The following TXNL1 variants were observed in gnomAD, a reference collection of about 807,000 sequenced individuals.
The protein encoded by TXNL1 is thioredoxin like 1.
TXNL1 carries 14 observed loss-of-function variants against 35.5 expected under a neutral mutation model. The ratio of observed to expected loss-of-function variants is 0.39; its 90% CI spans 0.26 to 0.62. The LOEUF is 0.62. Among genes scored for constraint, TXNL1 ranks in the 20% least tolerant of loss-of-function variants. TXNL1 has a pLI of 0.47. For synonymous variants in TXNL1, 110 were observed against 115.5 expected (o/e 0.95, Z 0.31); for missense variants, 263 against 349.7 (o/e 0.75, Z 1.98).
chr18:56,622,261 A>G (rs2024201019), intron 3 of TXNL1, among the ~76,000 whole-genome samples: 2 of 152,140 alleles, frequency 1.3e-5, no homozygotes, highest in Admixed American at 6.5e-5. Context: ...CAGAAAAAAA[A>G]GGCAGAGAAA....
rs1283238721 is a variant in TXNL1, at chr18:56,601,225, T to TA, written c.*1801dup. On this transcript the variant is annotated 3_prime_UTR_variant, in exon 8 of 8. Transcript: ENST00000217515. Reference sequence around the variant, plus strand: ...TAAGATTTCCCATTAAGTGAAACGTTATAGTTACCTATAAACGTTCATTTT... The same window carrying TA: ...TAAGATTTCCCATTAAGTGAAACGTTAATAGTTACCTATAAACGTTCATTTT... 2 of 152,236 alleles carry TA rather than the reference T, an allele frequency of 1.3e-5. No individual in the cohort carries two copies. The highest frequency in any genetic ancestry group is 6.5e-5 in the Admixed American group (1 of 15,286). 9.4% of individuals were successfully genotyped at this position (152,236 alleles called of 1,614,324 possible). A position where few individuals can be genotyped will look rare whatever the true frequency, so the allele number is the denominator to read the frequency against.
rs1037941415 is a variant in TXNL1, at chr18:56,602,948, C to T, written c.*79G>A. On this transcript the variant is annotated 3_prime_UTR_variant, in exon 8 of 8. Coordinates refer to ENST00000217515, the MANE Select transcript of TXNL1 (RefSeq NM_004786.3). ...GTAATGGCAATGAATGAAACATTGA[C>T]AGTCTCTGGCGAGAATCAAGCAATT... is the stretch of plus-strand genomic sequence containing the variant. The T allele has an allele frequency of 1.4e-6, 2 of 1,403,138 alleles. No homozygotes were observed. The highest frequency in any genetic ancestry group is 2.8e-5 in the African/African-American group (2 of 70,504). The allele number at this position is 1,403,138 out of a possible 1,614,324, so 86.9% of individuals were successfully genotyped here. A position where few individuals can be genotyped will look rare whatever the true frequency, so the allele number is the denominator to read the frequency against.
At chr18:56,617,441 G>A (rs904276668) in intron 4 of TXNL1, among the ~76,000 whole-genome samples, 2 of 152,146 alleles carry the variant, frequency 1.3e-5, no homozygotes, top group East Asian at 1.9e-4. Context: ...TTCTGTTACC[G>A]TATAGAAGAT....
chr18:56,634,756 A>T (rs1249636769), intron 1 of TXNL1, among the ~76,000 whole-genome samples: 5 of 152,248 alleles, frequency 3.3e-5, no homozygotes, highest in African/African-American at 1.2e-4. Flanking sequence ...GAATCTTGCA[A>T]TGATTTCTTG....
chr18:56,636,914 G>A (rs1386190922), intron 1 of TXNL1, among the ~76,000 whole-genome samples: 1 of 152,082 alleles, frequency 6.6e-6, no homozygotes, highest in Non-Finnish European at 1.5e-5. Context: ...ATGTACTACA[G>A]GTATTCCCCT....
intron 3 of TXNL1, among the ~76,000 whole-genome samples, chr18:56,623,409 C>G (rs995978054): frequency 1.5e-5 from 2 of 137,470 alleles, no homozygotes; most frequent in East Asian, 2.1e-4. Flanking sequence ...GCCTGGGTGA[C>G]AGAGGGACTC....
rs79769823 is a variant in TXNL1, at chr18:56,611,699, A to G, written c.736-602T>C. Among the ~76,000 whole-genome samples, 463 of 151,418 alleles carry G rather than the reference A, an allele frequency of 3.1e-3. 6 individuals carry two copies. The East Asian group carries it at 0.037, about 12-fold the overall frequency. On this transcript the variant is annotated intron_variant, in intron 6 of 7. Transcript: ENST00000217515. ...AGAGTCACAATTAAATTCTCTCTCT[A>G]TATGTATTTTTTGACATGGAGTCTC...
At chr18:56,625,646 T>C (rs971133339) in intron 2 of TXNL1, among the ~76,000 whole-genome samples, 1 of 152,180 alleles carries the variant, frequency 6.6e-6, no homozygotes, top group Admixed American at 6.5e-5. Flanking sequence ...ATGTGTGTAA[T>C]GTAGGGTTTT....
At chr18:56,629,454 G>A (rs1207322454) in intron 1 of TXNL1, among the ~76,000 whole-genome samples, 1 of 152,166 alleles carries the variant, frequency 6.6e-6, no homozygotes, top group Non-Finnish European at 1.5e-5. Flanking sequence ...CTTGCACCCG[G>A]GAAGCGGAGG....
intron 4 of TXNL1, 117 bp downstream of exon 4, chr18:56,617,887 G>T: frequency 1.5e-6 from 2 of 1,302,744 alleles, no homozygotes; most frequent in Non-Finnish European, 1.1e-6. Context: ...CTATAGAAAT[G>T]AAAGGAAGAA....
chr18:56,631,770 A>T lies in TXNL1; in HGVS notation c.99-5313T>A, dbSNP rs543653739. 1.2e-4 allele frequency among the ~76,000 whole-genome samples: 19 copies of T among 152,178 alleles called. No homozygotes were observed. The South Asian group carries it at 4.0e-3, about 32-fold the overall frequency. ...CCCCCGTCTCTACTAAAAATACAAA[A>T]TTAGCTGGGCCTAGTAACGCATGCC... On this transcript the variant is annotated intron_variant, in intron 1 of 7. Coordinates refer to ENST00000217515, the MANE Select transcript of TXNL1 (RefSeq NM_004786.3).
intron 1 of TXNL1, among the ~76,000 whole-genome samples, chr18:56,628,981 G>T (rs935618625): frequency 1.3e-5 from 2 of 152,108 alleles, no homozygotes; most frequent in African/African-American, 4.8e-5. Flanking sequence ...ACTAAAATTA[G>T]TCTTAAACTT....
chr18:56,607,850 C>T (rs144857943), intron 7 of TXNL1, among the ~76,000 whole-genome samples: 4,841 of 152,040 alleles, frequency 0.032, 105 homozygotes, highest in Middle Eastern at 0.071. Flanking sequence ...GAGTGAAACT[C>T]CATCTCAAAA....
intron 3 of TXNL1, among the ~76,000 whole-genome samples, chr18:56,619,595 TA>T (rs2024149023): frequency 6.6e-6 from 1 of 151,746 alleles, no homozygotes; most frequent in Admixed American, 6.6e-5. Flanking sequence ...AAATCTCTTT[TA>T]ATCTAGTCAT....
chr18:56,612,102 G>A (rs955891845), intron 6 of TXNL1, among the ~76,000 whole-genome samples: 3 of 149,150 alleles, frequency 2.0e-5, no homozygotes, highest in Non-Finnish European at 1.5e-5. Flanking sequence ...TCTGAGCTCA[G>A]GCAATCCTCC....
intron 4 of TXNL1, 74 bp from the exon 5 acceptor site, chr18:56,616,388 A>T (rs898411697): frequency 1.5e-6 from 2 of 1,350,544 alleles, no homozygotes; most frequent in Admixed American, 4.5e-5. Flanking sequence ...AAGCAGAATG[A>T]AAATAACAGG....
At chr18:56,624,183 A>G in intron 3 of TXNL1, 105 bp downstream of exon 3, 2 of 1,267,038 alleles carry the variant, frequency 1.6e-6, no homozygotes, top group Non-Finnish European at 1.1e-6. Flanking sequence ...AGTATTCTAA[A>G]CCAGTAAGAG....
chr18:56,637,447 A>C (rs746823187), intron 1 of TXNL1, among the ~76,000 whole-genome samples: 1 of 152,214 alleles, frequency 6.6e-6, no homozygotes, highest in Non-Finnish European at 1.5e-5. Flanking sequence ...ACACAAGGAG[A>C]GATCTGTGAA....
chr18:56,626,897 C>T (rs917447661), intron 1 of TXNL1, among the ~76,000 whole-genome samples: 1 of 139,490 alleles, frequency 7.2e-6, no homozygotes, highest in African/African-American at 2.5e-5. Context: ...CCCAATCTTC[C>T]AGGCTCAAGC....
Sources: allele counts gnomAD v4.1 joint callset (sites outside exome capture counted in the v4.1 genomes callset), GRCh38; gene constraint gnomAD v4.1.1; transcripts MANE v1.5; gene names NCBI Gene and HGNC (gene_info 2026-07-23, HGNC 2026-07-21).